CCDC73: variants seen among roughly 807,000 people sequenced by gnomAD.
CCDC73 encodes the protein coiled-coil domain containing 73.
In CCDC73, 95 loss-of-function variants were observed where a neutral mutation model predicts 116.5. The observed-to-expected ratio is 0.82, with a 90% CI of 0.69 to 0.97. The LOEUF (loss-of-function observed/expected upper bound fraction) is 0.97. CCDC73 is among the 50% of genes least tolerant of loss of function. CCDC73 has a pLI of 0.00. For missense variants in CCDC73, 1,066 were observed against 1,206.8 expected (o/e 0.88, Z 1.73); for synonymous variants, 398 against 401.3 (o/e 0.99, Z 0.10).
At chr11:32,734,595 G>C (rs1422469528) in intron 2 of CCDC73, among the ~76,000 whole-genome samples, 6 of 152,026 alleles carry the variant, frequency 3.9e-5, no homozygotes, top group Middle Eastern at 3.2e-3. Flanking sequence ...TTGTGTCCCT[G>C]GGTACTTGAG....
At chr11:32,785,752 T>C (rs975442962) in intron 1 of CCDC73, among the ~76,000 whole-genome samples, 20 of 152,148 alleles carry the variant, frequency 1.3e-4, no homozygotes, top group Admixed American at 8.5e-4. Context: ...ATTTTTGTTA[T>C]GTGCTTTTGA....
intron 2 of CCDC73, among the ~76,000 whole-genome samples, chr11:32,753,083 A>G (rs1850300599): frequency 6.6e-6 from 1 of 152,112 alleles, no homozygotes; most frequent in Non-Finnish European, 1.5e-5. Flanking sequence ...AAGCACTGGA[A>G]TTACAGGTAT....
chr11:32,755,583 ATGTGTGTATATATATATCCATATATATG>A (rs1850328366), intron 2 of CCDC73, among the ~76,000 whole-genome samples: 1 of 102,250 alleles, frequency 9.8e-6, no homozygotes, highest in Non-Finnish European at 2.0e-5. Context: ...ATCCATATAT[ATGTGTGTATATATATATCCATATATATG>A]TGTGTGTATA....
At chr11:32,683,621 T>G in intron 6 of CCDC73, 47 bp from the exon 7 acceptor site, 3 of 1,128,250 alleles carry the variant, frequency 2.7e-6, no homozygotes, top group Non-Finnish European at 3.9e-6. Context: ...TTTAATTATC[T>G]ACACAAATTC....
At chr11:32,645,291 C>CTTTTTT (rs397689348) in intron 12 of CCDC73, among the ~76,000 whole-genome samples, 59 of 121,050 alleles carry the variant, frequency 4.9e-4, no homozygotes, top group East Asian at 1.5e-3. Context: ...TTTTCTTTTT[C>CTTTTTT]TTTTTTTTTT....
chr11:32,729,974 T>C (rs1850061147), intron 2 of CCDC73, among the ~76,000 whole-genome samples: 1 of 152,238 alleles, frequency 6.6e-6, no homozygotes, highest in African/African-American at 2.4e-5. Flanking sequence ...CAGCATCCAG[T>C]CAAAATGCCA....
chr11:32,802,963 CAG>C, the CCDC73 span, among the ~76,000 whole-genome samples: 1 of 150,544 alleles, frequency 6.6e-6, no homozygotes, highest in Non-Finnish European at 1.5e-5. Flanking sequence ...TTAGTAGAGA[CAG>C]AGTTTCACCA....
At chr11:32,714,794 A>T (rs1467704428) in intron 3 of CCDC73, among the ~76,000 whole-genome samples, 1 of 152,180 alleles carries the variant, frequency 6.6e-6, no homozygotes. Flanking sequence ...CCTGTGAGCC[A>T]GGAATGGTTT....
At chr11:32,808,341 C>T in the CCDC73 span, among the ~76,000 whole-genome samples, 3 of 152,074 alleles carry the variant, frequency 2.0e-5, no homozygotes, top group Admixed American at 6.6e-5. Flanking sequence ...TCAGATAAAA[C>T]AAGACAGGCC....
intron 2 of CCDC73, among the ~76,000 whole-genome samples, chr11:32,755,117 A>G (rs1183404045): frequency 6.8e-6 from 1 of 146,982 alleles, no homozygotes; most frequent in African/African-American, 2.5e-5. Context: ...CGATCTCCTG[A>G]CCTCGTGATC....
In CCDC73 at chr11:32,692,183, G is replaced by A. The variant is rs546293384; in HGVS notation, c.390+7068C>T. 1.7e-3 allele frequency among the ~76,000 whole-genome samples: 253 copies of A among 151,124 alleles called. No homozygotes were observed. The Middle Eastern group carries it at 0.017, about 10-fold the overall frequency. ...TGATCCATTTTGAGTTAAATTTTGTGTAAATCTGTGTCTAGATTCATTTTT... is the reference window on the plus strand; with the variant it reads ...TGATCCATTTTGAGTTAAATTTTGTATAAATCTGTGTCTAGATTCATTTTT... On this transcript the variant is annotated intron_variant, in intron 6 of 17. Transcript: ENST00000335185.
At chr11:32,643,906 C>T (rs1855754496) in intron 12 of CCDC73, among the ~76,000 whole-genome samples, 1 of 151,992 alleles carries the variant, frequency 6.6e-6, no homozygotes, top group Non-Finnish European at 1.5e-5. Flanking sequence ...TTTGAAATAA[C>T]ACTTAGCTTA....
intron 6 of CCDC73, among the ~76,000 whole-genome samples, chr11:32,697,262 T>C (rs1471552161): frequency 6.6e-6 from 1 of 152,088 alleles, no homozygotes; most frequent in Non-Finnish European, 1.5e-5. Context: ...TACTTCATCA[T>C]ACATTTTCTA....
At chr11:32,746,482 G>T (rs1190528363) in intron 2 of CCDC73, among the ~76,000 whole-genome samples, 1 of 152,150 alleles carries the variant, frequency 6.6e-6, no homozygotes, top group African/African-American at 2.4e-5. Context: ...TGCCTTGCTA[G>T]GTTGGGGAAG....
chr11:32,701,068 G>A (rs1420826434), intron 4 of CCDC73, among the ~76,000 whole-genome samples: 1 of 151,986 alleles, frequency 6.6e-6, no homozygotes, highest in Non-Finnish European at 1.5e-5. Flanking sequence ...TGTTGCCCAG[G>A]CTATACTCCA....
chr11:32,625,335 G>C (rs1251631564), intron 14 of CCDC73, among the ~76,000 whole-genome samples: 1 of 152,112 alleles, frequency 6.6e-6, no homozygotes, highest in African/African-American at 2.4e-5. Flanking sequence ...ATGTTAGCTG[G>C]TTATTTTGCT....
At chr11:32,780,421 G>A (rs1244846174) in intron 1 of CCDC73, among the ~76,000 whole-genome samples, 3 of 151,986 alleles carry the variant, frequency 2.0e-5, no homozygotes, top group Non-Finnish European at 4.4e-5. Flanking sequence ...ACATGTAAAT[G>A]GAAGCAATCC....
intron 1 of CCDC73, among the ~76,000 whole-genome samples, chr11:32,776,862 T>G (rs1163315861): frequency 6.7e-6 from 1 of 149,620 alleles, no homozygotes; most frequent in African/African-American, 2.5e-5. Flanking sequence ...CCTTATATTT[T>G]TCCTTTGATC....
At chr11:32,630,752 A>G (rs1372957006) in intron 14 of CCDC73, among the ~76,000 whole-genome samples, 2 of 152,218 alleles carry the variant, frequency 1.3e-5, no homozygotes, top group African/African-American at 4.8e-5. Flanking sequence ...CAATATGTAC[A>G]TTTTACTACA....
Sources: allele counts gnomAD v4.1 joint callset (sites outside exome capture counted in the v4.1 genomes callset), GRCh38; gene constraint gnomAD v4.1.1; transcripts MANE v1.5; gene names NCBI Gene and HGNC (gene_info 2026-07-23, HGNC 2026-07-21).